Variants in GPC6 observed in about 807,000 individuals in gnomAD.
GPC6 encodes the protein glypican 6, also known as glypican-6.
In GPC6, 14 loss-of-function variants were observed where a neutral mutation model predicts 55.2. That is an observed-to-expected ratio of 0.25 (90% CI 0.17 to 0.40). The LOEUF (loss-of-function observed/expected upper bound fraction) is 0.40, where lower values mean the gene tolerates loss of function less well. Among genes scored for constraint, GPC6 ranks in the 10% least tolerant of loss-of-function variants. GPC6 has a pLI of 1.00. For synonymous variants in GPC6, 278 were observed against 259.6 expected (o/e 1.07, Z -0.68); for missense variants, 641 against 708.5 (o/e 0.90, Z 1.08).
At chr13:93,554,697 A>G (rs920092701) in intron 2 of GPC6, among the ~76,000 whole-genome samples, 4 of 152,130 alleles carry the variant, frequency 2.6e-5, no homozygotes, top group Non-Finnish European at 5.9e-5. Flanking sequence ...TAGCAAATGT[A>G]AAAAAAGAGG....
At chr13:94,303,932 T>C (rs1047361927) in intron 5 of GPC6, among the ~76,000 whole-genome samples, 5 of 152,242 alleles carry the variant, frequency 3.3e-5, no homozygotes, top group African/African-American at 9.6e-5. Context: ...CCATTAACTC[T>C]TTCAGTACAT....
At chr13:94,161,253 G>A (rs930478083) in intron 4 of GPC6, among the ~76,000 whole-genome samples, 3 of 151,176 alleles carry the variant, frequency 2.0e-5, no homozygotes, top group Non-Finnish European at 4.4e-5. Flanking sequence ...AACAAATGAA[G>A]CAGATGCATC....
intron 3 of GPC6, among the ~76,000 whole-genome samples, chr13:93,836,649 A>G (rs1186283801): frequency 9.2e-5 from 14 of 152,204 alleles, no homozygotes; most frequent in Admixed American, 9.2e-4. Flanking sequence ...CAACTTTTAA[A>G]TCAGCATAAT....
intron 3 of GPC6, among the ~76,000 whole-genome samples, chr13:93,971,853 C>T (rs556671542): frequency 6.6e-6 from 1 of 152,310 alleles, no homozygotes; most frequent in South Asian, 2.1e-4. Flanking sequence ...GGAATGATCA[C>T]CAGCTCTAAT....
chr13:93,312,446 A>C (rs1879104543), intron 1 of GPC6, among the ~76,000 whole-genome samples: 1 of 152,188 alleles, frequency 6.6e-6, no homozygotes, highest in Admixed American at 6.5e-5. Context: ...GAAACTAATT[A>C]AACTCCAGTG....
chr13:94,143,573 C>A (rs180907185), intron 4 of GPC6, among the ~76,000 whole-genome samples: 1 of 146,864 alleles, frequency 6.8e-6, no homozygotes, highest in East Asian at 2.0e-4. Context: ...ATGTGGTTCC[C>A]ATTCCAGCCT....
At chr13:93,865,439 T>G (rs1445972137) in intron 3 of GPC6, among the ~76,000 whole-genome samples, 1 of 151,756 alleles carries the variant, frequency 6.6e-6, no homozygotes, top group East Asian at 2.0e-4. Flanking sequence ...TTATGACTTC[T>G]GCTCTGCAGA....
chr13:93,234,620 A>G (rs1876169306), intron 1 of GPC6, among the ~76,000 whole-genome samples: 2 of 152,048 alleles, frequency 1.3e-5, no homozygotes, highest in South Asian at 4.1e-4. Flanking sequence ...AAAGTTACTT[A>G]CTTAGCATCT....
intron 1 of GPC6, among the ~76,000 whole-genome samples, chr13:93,491,560 AT>A (rs1880005571): frequency 7.3e-6 from 1 of 137,608 alleles, no homozygotes; most frequent in Non-Finnish European, 1.5e-5. Flanking sequence ...TTTTGTTGCC[AT>A]TGCTTTTGGT....
intron 4 of GPC6, among the ~76,000 whole-genome samples, chr13:94,239,977 T>C (rs928013025): frequency 6.6e-6 from 1 of 152,070 alleles, no homozygotes; most frequent in African/African-American, 2.4e-5. Context: ...AAAACAGCAC[T>C]GAATGGAAAA....
At chr13:94,132,386 T>G (rs1887032201) in intron 4 of GPC6, among the ~76,000 whole-genome samples, 1 of 152,278 alleles carries the variant, frequency 6.6e-6, no homozygotes, top group East Asian at 1.9e-4. Flanking sequence ...CTCTCCATTT[T>G]GAATGTATGC....
intron 6 of GPC6, among the ~76,000 whole-genome samples, chr13:94,362,548 G>A (rs1428006480): frequency 6.6e-6 from 1 of 152,124 alleles, no homozygotes; most frequent in Non-Finnish European, 1.5e-5. Context: ...TGGTAAGGGG[G>A]TGAAAGGTGG....
chr13:93,812,119 A>G (rs905617509), intron 2 of GPC6, among the ~76,000 whole-genome samples: 6 of 112,948 alleles, frequency 5.3e-5, no homozygotes, highest in African/African-American at 2.1e-4. Flanking sequence ...CTGTAATCCC[A>G]GCACTTTGGG....
At chr13:93,661,627 G>A (rs1880923972) in intron 2 of GPC6, among the ~76,000 whole-genome samples, 1 of 152,168 alleles carries the variant, frequency 6.6e-6, no homozygotes, top group Non-Finnish European at 1.5e-5. Context: ...GGAAGGCTGA[G>A]TGATAGGGTA....
intron 4 of GPC6, among the ~76,000 whole-genome samples, chr13:94,181,134 T>A (rs1390760400): frequency 1.3e-5 from 2 of 152,168 alleles, no homozygotes; most frequent in Non-Finnish European, 1.5e-5. Context: ...ATTTCCCCCT[T>A]ATACCAGGTA....
chr13:94,272,690 A>G (rs7323799), intron 4 of GPC6, among the ~76,000 whole-genome samples: 37,189 of 151,486 alleles, frequency 0.25, 5,555 homozygotes, highest in African/African-American at 0.42. Flanking sequence ...GGATGGTCTC[A>G]ATTTCCTGAC....
chr13:93,376,968 AT>A (rs1874927728), intron 1 of GPC6, among the ~76,000 whole-genome samples: 1 of 152,132 alleles, frequency 6.6e-6, no homozygotes, highest in Admixed American at 6.5e-5. Flanking sequence ...AGTGTACTTG[AT>A]TTTTGTCCTT....
chr13:93,891,367 A>G (rs1378240192), intron 3 of GPC6, among the ~76,000 whole-genome samples: 3 of 152,092 alleles, frequency 2.0e-5, no homozygotes, highest in East Asian at 1.9e-4. Flanking sequence ...GTGTATCTCT[A>G]TTAACATCTG....
intron 1 of GPC6, among the ~76,000 whole-genome samples, chr13:93,455,205 G>C (rs56220718): frequency 6.6e-6 from 1 of 151,946 alleles, no homozygotes; most frequent in Non-Finnish European, 1.5e-5. Flanking sequence ...AGCCGGCTCC[G>C]GCCTTGGCCA....
Sources: allele counts gnomAD v4.1 joint callset (sites outside exome capture counted in the v4.1 genomes callset), GRCh38; gene constraint gnomAD v4.1.1; transcripts MANE v1.5; gene names NCBI Gene and HGNC (gene_info 2026-07-23, HGNC 2026-07-21).